The following C2orf92 variants were observed in gnomAD, a reference collection of about 807,000 sequenced individuals.
The protein encoded by C2orf92 is chromosome 2 open reading frame 92.
At chr2:97,702,643 C>A in intron 7 of C2orf92, 26 bp from the exon 8 acceptor site, 3 of 399,010 alleles carry the variant, frequency 7.5e-6, no homozygotes, top group Non-Finnish European at 1.3e-5. Flanking sequence ...GAGCTGAGCA[C>A]TGTGGTTTTT....
At chr2:97,663,993 G>C (rs1675111951), upstream of C2orf92, 1 of 677,324 alleles carries the variant, frequency 1.5e-6, no homozygotes, top group African/African-American at 1.9e-5. Context: ...ACGCGGCGCC[G>C]CTGCCCTCCC....
At chr2:97,667,970 C>T (rs1308757680), upstream of C2orf92, 1 of 152,160 alleles carries the variant, frequency 6.6e-6, no homozygotes, top group Non-Finnish European at 1.5e-5. Flanking sequence ...CCAGGTTACG[C>T]TTTCAGCATT....
upstream of C2orf92, chr2:97,667,912 T>TCTCCTGTCCCCAGGGCACTTCCA (rs1340176002): frequency 6.6e-6 from 1 of 152,146 alleles, no homozygotes; most frequent in East Asian, 1.9e-4. Flanking sequence ...GTCTCACCAA[T>TCTCCTGTCCCCAGGGCACTTCCA]CTCCTGTCCC....
intron 3 of C2orf92, among the ~76,000 whole-genome samples, chr2:97,676,967 A>G (rs562061865): frequency 2.6e-5 from 4 of 152,366 alleles, no homozygotes; most frequent in African/African-American, 9.6e-5. Context: ...GGGGAGCTCC[A>G]GGAATCTGTC....
chr2:97,691,418 C>A (rs562509793), intron 5 of C2orf92, among the ~76,000 whole-genome samples: 27 of 152,274 alleles, frequency 1.8e-4, no homozygotes, highest in African/African-American at 6.5e-4. Context: ...TCCCCTCCTC[C>A]TCAGGAGTGT....
chr2:97,703,021 C>T lies in C2orf92; in HGVS notation c.*220C>T. On this transcript the variant is annotated 3_prime_UTR_variant, in exon 8 of 8. Coordinates refer to ENST00000627399, the MANE Select transcript of C2orf92 (RefSeq NM_001351368.2). ...GGCTGGCGTCGGTGAACCCGACAGA[C>T]TATGGATTTATCATTTAATAAAGCA... 1 of 375,150 alleles carries T rather than the reference C, an allele frequency of 2.7e-6. No individual in the cohort carries two copies. 23.2% of individuals were successfully genotyped at this position (375,150 alleles called of 1,614,324 possible). A position where few individuals can be genotyped will look rare whatever the true frequency, so the allele number is the denominator to read the frequency against.
chr2:97,681,482 TTGAGA>T (rs1435982836), intron 3 of C2orf92, among the ~76,000 whole-genome samples: 1 of 152,262 alleles, frequency 6.6e-6, no homozygotes, highest in Non-Finnish European at 1.5e-5. Flanking sequence ...AGAAACTGCC[TTGAGA>T]TAAGTGCAAA....
chr2:97,666,213 G>A (rs903605316), upstream of C2orf92, among the ~76,000 whole-genome samples: 1 of 151,182 alleles, frequency 6.6e-6, no homozygotes, highest in Non-Finnish European at 1.5e-5. Context: ...CATGGGTTGG[G>A]ACTAGCAAGG....
upstream of C2orf92, among the ~76,000 whole-genome samples, chr2:97,664,981 C>A (rs1675159009): frequency 6.6e-6 from 1 of 152,210 alleles, no homozygotes; most frequent in Non-Finnish European, 1.5e-5. Flanking sequence ...TGCTCTGTGC[C>A]TGCGGAGCAC....
intron 1 of C2orf92, chr2:97,672,153 C>A (rs1275541351): frequency 6.6e-6 from 1 of 151,904 alleles, no homozygotes; most frequent in Non-Finnish European, 1.5e-5. Flanking sequence ...CTGGGCTGTG[C>A]ATCAGGAGTG....
At chr2:97,666,455 TG>T (rs1457812018), upstream of C2orf92, among the ~76,000 whole-genome samples, 1 of 145,516 alleles carries the variant, frequency 6.9e-6, no homozygotes, top group African/African-American at 2.6e-5. Context: ...GAGAATCGCT[TG>T]AACCCAGGAG....
intron 3 of C2orf92, chr2:97,677,812 ATAACT>A (rs1312288035): frequency 3.3e-5 from 5 of 152,224 alleles, no homozygotes; most frequent in African/African-American, 7.2e-5. Context: ...CCATGAACAA[ATAACT>A]TAAGGAAATC....
In C2orf92 at chr2:97,696,767, C is replaced by T. The variant is rs145692036; in HGVS notation, c.404-2259C>T. ...AACAAAAAACAAAAAAACCAATGGT[C>T]GAAAACATCTCGATAGGAGGAGGAG... On this transcript the variant is annotated intron_variant, in intron 5 of 7. Transcript: ENST00000627399. Among the ~76,000 whole-genome samples, 1,006 of 152,132 alleles carry T rather than the reference C, an allele frequency of 6.6e-3. 4 individuals carry two copies. The highest frequency in any genetic ancestry group is 0.01 in the Middle Eastern group (3 of 294).
chr2:97,681,752 G>A (rs1473726642), intron 3 of C2orf92, among the ~76,000 whole-genome samples: 2 of 152,138 alleles, frequency 1.3e-5, no homozygotes, highest in East Asian at 1.9e-4. Context: ...CAGCTATTTG[G>A]GAGGCTGAGG....
intron 3 of C2orf92, among the ~76,000 whole-genome samples, chr2:97,688,168 C>A (rs1211662734): frequency 1.3e-5 from 2 of 152,018 alleles, no homozygotes; most frequent in African/African-American, 4.8e-5. Flanking sequence ...GCATGGTCAT[C>A]AAGGACAGGT....
chr2:97,680,128 C>T (rs942626320), intron 3 of C2orf92, among the ~76,000 whole-genome samples: 29 of 151,972 alleles, frequency 1.9e-4, no homozygotes, highest in African/African-American at 6.0e-4. Context: ...GGTGAAACCC[C>T]GTCTTTACTA....
intron 5 of C2orf92, among the ~76,000 whole-genome samples, 155 bp downstream of exon 5, chr2:97,690,482 G>A (rs1323075551): frequency 1.3e-5 from 2 of 151,678 alleles, no homozygotes; most frequent in Admixed American, 6.6e-5. Flanking sequence ...CCAGGTTCAC[G>A]CCATTCTCCT....
chr2:97,703,006 G>A lies in C2orf92; in HGVS notation c.*205G>A. 3 of 386,348 alleles carry A rather than the reference G, an allele frequency of 7.8e-6. No individual in the cohort carries two copies. Among genetic ancestry groups the A allele is most frequent in the Admixed American group, 4.5e-5 (1 of 22,334 alleles). The allele number at this position is 386,348 out of a possible 1,614,324, so 23.9% of individuals were successfully genotyped here. ...CAATATGGCACCGATGGCTGGCGTCGGTGAACCCGACAGACTATGGATTTA... is the reference window on the plus strand; with the variant it reads ...CAATATGGCACCGATGGCTGGCGTCAGTGAACCCGACAGACTATGGATTTA... On this transcript the variant is annotated 3_prime_UTR_variant, in exon 8 of 8. Transcript: ENST00000627399.
At chr2:97,692,197 C>G (rs1221824167) in intron 5 of C2orf92, among the ~76,000 whole-genome samples, 5 of 152,046 alleles carry the variant, frequency 3.3e-5, no homozygotes, top group African/African-American at 1.2e-4. Context: ...TAAAGTTTTC[C>G]TTACATAGAT....
Sources: gnomAD v4.1 joint callset for allele counts (sites outside exome capture counted in the v4.1 genomes callset) on GRCh38, gnomAD v4.1.1 for gene constraint, MANE v1.5 for transcripts, NCBI Gene and HGNC (gene_info 2026-07-23, HGNC 2026-07-21) for gene names.